Variants in TNIP1 observed in about 807,000 individuals in gnomAD.
The protein encoded by TNIP1 is TNFAIP3-interacting protein 1.
In TNIP1, 22 loss-of-function variants were observed where a neutral mutation model predicts 86.6. The observed-to-expected ratio is 0.25, with a 90% CI of 0.18 to 0.36. The LOEUF is 0.36. Ranked by LOEUF, TNIP1 falls within the 10% of genes least tolerant of loss-of-function variation. TNIP1 has a pLI of 1.00. For synonymous variants in TNIP1, 294 were observed against 313.0 expected, an observed-to-expected ratio of 0.94 and a Z score of 0.64; for missense variants, 709 against 820.6, an observed-to-expected ratio of 0.86 and a Z score of 1.66.
chr5:151,055,333 G>T (rs6579837), intron 6 of TNIP1, among the ~76,000 whole-genome samples: 16,092 of 152,152 alleles, frequency 0.11, 921 homozygotes, highest in African/African-American at 0.15. Context: ...AAAAATAACA[G>T]AGGTTGGCAG....
At chr5:151,071,148 G>A (rs1762782827) in intron 1 of TNIP1, among the ~76,000 whole-genome samples, 2 of 152,138 alleles carry the variant, frequency 1.3e-5, no homozygotes, top group Admixed American at 6.5e-5. Context: ...ACCAGGCTGG[G>A]CTCTCCTGAT....
At chr5:151,050,447 T>C (rs1194114893) in intron 7 of TNIP1, among the ~76,000 whole-genome samples, 1 of 152,228 alleles carries the variant, frequency 6.6e-6, no homozygotes, top group African/African-American at 2.4e-5. Flanking sequence ...TTCACTTTCA[T>C]TGTATTTAGA....
chr5:151,068,167 G>A (rs1762453860), intron 1 of TNIP1, among the ~76,000 whole-genome samples: 1 of 152,160 alleles, frequency 6.6e-6, no homozygotes, highest in Admixed American at 6.5e-5. Flanking sequence ...ACCCTCTCTG[G>A]AGATCAGAGG....
At chr5:151,038,984 C>G (rs1758055715) in intron 12 of TNIP1, 113 bp downstream of exon 12, 4 of 1,405,424 alleles carry the variant, frequency 2.8e-6, no homozygotes, top group Non-Finnish European at 3.8e-6. Flanking sequence ...TGCCAGCTCA[C>G]TGACTGGGGG....
upstream of TNIP1, among the ~76,000 whole-genome samples, chr5:151,085,976 T>C (rs1764263025): frequency 6.6e-6 from 1 of 152,206 alleles, no homozygotes; most frequent in Non-Finnish European, 1.5e-5. Context: ...TCCATTCCTC[T>C]GTAGCCTAGA....
At chr5:151,082,192 A>G (rs1438521228), upstream of TNIP1, among the ~76,000 whole-genome samples, 1 of 152,222 alleles carries the variant, frequency 6.6e-6, no homozygotes, top group East Asian at 1.9e-4. Flanking sequence ...CCCAAATTAT[A>G]TACCTAATCT....
rs1206941903 is a variant in TNIP1 at position 151,030,072 on chromosome 5, A to C, written c.*641T>G. 2.2e-6 allele frequency: 1 copy of C among 456,906 alleles called. No homozygotes were observed. The highest frequency in any genetic ancestry group is 6.9e-5 in the East Asian group (1 of 14,522). 28.3% of individuals were successfully genotyped at this position (456,906 alleles called of 1,614,324 possible). ...CTATGGGGTCCAGGGTCTGAACCTC[A>C]GGGCCTGGCAGCTTCAGGCTGGCGC... On this transcript the variant is annotated 3_prime_UTR_variant, in exon 18 of 18. Transcript: ENST00000521591.
chr5:151,078,817 C>G (rs887026337), intron 1 of TNIP1, among the ~76,000 whole-genome samples: 5 of 152,154 alleles, frequency 3.3e-5, no homozygotes, highest in African/African-American at 9.7e-5. Context: ...CAAATCACAG[C>G]GGGTACAGGA....
chr5:151,043,248 C>A (rs920721879), intron 9 of TNIP1, among the ~76,000 whole-genome samples: 3 of 152,222 alleles, frequency 2.0e-5, no homozygotes, highest in African/African-American at 7.2e-5. Context: ...CTTTGGAGGG[C>A]AGTCTGGGAT....
chr5:151,039,827 G>A (rs1468922314), intron 11 of TNIP1, among the ~76,000 whole-genome samples: 1 of 152,196 alleles, frequency 6.6e-6, no homozygotes, highest in Non-Finnish European at 1.5e-5. Context: ...CCTCCAGAAA[G>A]AAACAAAATA....
At chr5:151,042,727 A>C (rs1758602182) in intron 10 of TNIP1, 56 bp from the exon 11 acceptor site, 1 of 1,608,302 alleles carries the variant, frequency 6.2e-7, no homozygotes, top group Non-Finnish European at 8.5e-7. Context: ...CACTTGCAGG[A>C]TGTGGGCAGG....
chr5:151,066,735 A>T (rs1762281437), intron 1 of TNIP1, among the ~76,000 whole-genome samples: 1 of 152,200 alleles, frequency 6.6e-6, no homozygotes, highest in African/African-American at 2.4e-5. Context: ...CAGGGCGGTT[A>T]AGTAACTCAG....
intron 17 of TNIP1, 137 bp from the exon 18 acceptor site, chr5:151,030,884 C>T (rs747892467): frequency 8.0e-5 from 52 of 652,116 alleles, no homozygotes; most frequent in South Asian, 1.4e-4. Flanking sequence ...GGGCTAAGTA[C>T]CTTAAGTACG....
Position 151,033,798 on chromosome 5 carries a change from G to A in TNIP1, c.1589C>T (p.Ala530Val). Residue 530 changes from alanine (A) to valine (V), a missense_variant and splice_region_variant, in exon 16 of 18, where the codon GCC becomes GTC. Physicochemically the swap from Ala to Val is moderately conservative, Grantham distance 64 (BLOSUM62 0). Coordinates refer to ENST00000521591, the MANE Select transcript of TNIP1 (RefSeq NM_006058.5). The stretch of plus-strand genomic sequence containing the variant: ...CTCCACATGGTAACGCTCTCCTGAG[G>A]CCTGCAAGAAAGGCTGACGTCTGGC... ...ALRQQKRKAKASGERYHVEPH... is the reference protein window; with the variant it reads ...ALRQQKRKAKVSGERYHVEPH... 7.3e-7 allele frequency: 1 copy of A among 1,372,762 alleles called. No individual in the cohort carries two copies. The highest frequency in any genetic ancestry group is 9.5e-7 in the Non-Finnish European group (1 of 1,057,742). The allele number at this position is 1,372,762 out of a possible 1,614,324, so 85.0% of individuals were successfully genotyped here.
Position 151,030,756 on chromosome 5 carries a change from AC to A in TNIP1, c.1877-10del. 6.2e-7 allele frequency: 1 copy of A among 1,602,220 alleles called. No individual in the cohort carries two copies. Among genetic ancestry groups the A allele is most frequent in the Non-Finnish European group, 8.5e-7 (1 of 1,175,410 alleles). On this transcript the variant is annotated splice_polypyrimidine_tract_variant and intron_variant, in intron 17 of 17. Transcript: ENST00000521591. ...GTCATTTTTTGGAGACTCTAAATAA[AC>A]AAAAATTTTGAGGACTTCATGATTA...
chr5:151,036,790 C>T lies in TNIP1; in HGVS notation c.1395G>A (p.Gln465=). The change falls in exon 13 of 18, where the codon CAG becomes CAA. Residue 465 remains glutamine, a splice_region_variant and synonymous_variant. Coordinates refer to ENST00000521591, the MANE Select transcript of TNIP1 (RefSeq NM_006058.5). ...CCTGATTTCCTCCCGGAAGCCTCAC[C>T]TGCTGTTTCAGCAACTCATTCTGCG... The part of the protein sequence containing the change: ...LVTQNELLKQ[Q]VKIFEEDFQR... The T allele has an allele frequency of 6.2e-7, 1 of 1,614,062 alleles. No homozygotes were observed. The highest frequency in any genetic ancestry group is 8.5e-7 in the Non-Finnish European group (1 of 1,179,952).
Position 151,039,240 on chromosome 5 carries a change from A to C in TNIP1, c.1135-15T>G. On this transcript the variant is annotated splice_polypyrimidine_tract_variant and intron_variant, in intron 11 of 17. Transcript: ENST00000521591. ...TCCTTGTCGGTCTGCAGGGAATACAAGGTTGGTAAGCTGGCTAGGATGGCC... is the reference window on the plus strand; with the variant it reads ...TCCTTGTCGGTCTGCAGGGAATACACGGTTGGTAAGCTGGCTAGGATGGCC... 6.2e-7 allele frequency: 1 copy of C among 1,608,490 alleles called. No individual in the cohort carries two copies.
intron 1 of TNIP1, chr5:151,078,282 T>A (rs951240004): frequency 6.6e-6 from 1 of 152,208 alleles, no homozygotes; most frequent in African/African-American, 2.4e-5. Flanking sequence ...GTTCTCCTCC[T>A]GCCTTCTCAT....
At chr5:151,086,900 G>A (rs1183605372) in intron 1 of TNIP1, among the ~76,000 whole-genome samples, 1 of 152,284 alleles carries the variant, frequency 6.6e-6, no homozygotes, top group African/African-American at 2.4e-5. Flanking sequence ...GAGGAGCAGG[G>A]GCTGGGAGCC....
Sources: gnomAD v4.1 joint callset for allele counts (sites outside exome capture counted in the v4.1 genomes callset) on GRCh38, gnomAD v4.1.1 for gene constraint, MANE v1.5 for transcripts, NCBI Gene and HGNC (gene_info 2026-07-23, HGNC 2026-07-21) for gene names.